TLN2: variants seen among roughly 807,000 people sequenced by gnomAD.
TLN2 encodes the protein talin-2.
Under a neutral mutation model 294.7 loss-of-function variants are expected in TLN2, and 118 were observed. The ratio of observed to expected loss-of-function variants is 0.40; its 90% CI spans 0.34 to 0.47. The LOEUF (loss-of-function observed/expected upper bound fraction) is 0.47. Among genes scored for constraint, TLN2 ranks in the 20% least tolerant of loss-of-function variants. TLN2 has a pLI of 0.84. For synonymous variants in TLN2, 1,431 were observed against 1,304.5 expected (o/e 1.10, Z -2.09); for missense variants, 3,083 against 3,282.2 (o/e 0.94, Z 1.48).
intron 48 of TLN2, among the ~76,000 whole-genome samples, chr15:62,798,877 T>C (rs1469304668): frequency 6.6e-6 from 1 of 152,222 alleles, no homozygotes; most frequent in Non-Finnish European, 1.5e-5. Context: ...ATTGGCTGCC[T>C]TTTGGAATTC....
intron 9 of TLN2, among the ~76,000 whole-genome samples, chr15:62,673,468 A>AT (rs1567317550): frequency 6.6e-6 from 1 of 151,106 alleles, no homozygotes; most frequent in Non-Finnish European, 1.5e-5. Context: ...TCTTTGTATT[A>AT]TTTTTTAAAA....
intron 1 of TLN2, among the ~76,000 whole-genome samples, chr15:62,396,028 T>G (rs1387816681): frequency 2.0e-5 from 3 of 150,046 alleles, no homozygotes; most frequent in African/African-American, 7.4e-5. Context: ...TAGAGACAGA[T>G]TTCACCATGT....
intron 12 of TLN2, among the ~76,000 whole-genome samples, chr15:62,687,465 G>A (rs917805996): frequency 1.3e-5 from 2 of 152,208 alleles, no homozygotes; most frequent in Admixed American, 6.5e-5. Flanking sequence ...TTTGTTTCAG[G>A]TCTTCAGACC....
intron 3 of TLN2, among the ~76,000 whole-genome samples, chr15:62,625,694 G>T (rs2049221234): frequency 2.0e-5 from 3 of 152,212 alleles, no homozygotes; most frequent in Admixed American, 6.5e-5. Flanking sequence ...CCGATGGGCA[G>T]AGTGGAATTT....
chr15:62,640,417 C>T (rs1244235746), intron 3 of TLN2: 2 of 452,018 alleles, frequency 4.4e-6, no homozygotes, highest in African/African-American at 4.0e-5. Flanking sequence ...TGTAGACCTC[C>T]ACGGCCCCAT....
chr15:62,838,816 T>G, intron 57 of TLN2, 40 bp from the exon 58 acceptor site: 1 of 1,604,688 alleles, frequency 6.2e-7, no homozygotes, highest in Non-Finnish European at 8.5e-7. Context: ...CCCAAATGGC[T>G]GTTTCTAATG....
intron 1 of TLN2, among the ~76,000 whole-genome samples, chr15:62,578,342 A>G (rs1004447668): frequency 2.0e-5 from 3 of 152,132 alleles, no homozygotes; most frequent in Non-Finnish European, 2.9e-5. Context: ...TGAGGTGGGC[A>G]CATCACCTGA....
chr15:62,785,968 C>G (rs1036181757), intron 45 of TLN2, among the ~76,000 whole-genome samples: 8 of 152,238 alleles, frequency 5.3e-5, no homozygotes, highest in Non-Finnish European at 1.2e-4. Context: ...GCATTTGCAG[C>G]AGCTGACGTT....
At chr15:62,640,514 C>CT (rs2050930730) in intron 3 of TLN2, among the ~76,000 whole-genome samples, 1 of 152,120 alleles carries the variant, frequency 6.6e-6, no homozygotes, top group Non-Finnish European at 1.5e-5. Context: ...CCCATTGTGC[C>CT]CCCCTAAGTT....
intron 1 of TLN2, among the ~76,000 whole-genome samples, chr15:62,471,850 G>C (rs1275110685): frequency 6.6e-6 from 1 of 151,850 alleles, no homozygotes; most frequent in African/African-American, 2.4e-5. Context: ...GCACAGCCCA[G>C]CCTCCCTCAT....
rs1170066405 is a variant in TLN2 at position 62,820,539 on chromosome 15, C to T, written c.6931C>T (p.Leu2311=). 1.2e-6 allele frequency: 2 copies of T among 1,613,886 alleles called. No homozygotes were observed. Among genetic ancestry groups the T allele is most frequent in the Non-Finnish European group, 1.7e-6 (2 of 1,179,968 alleles). Residue 2311 remains leucine, a synonymous_variant, in exon 54 of 59, where the codon CTG becomes TTG. Transcript: ENST00000636159. ...DPTVIAETEL[L]GAAASIEAAA... is the part of the protein sequence containing the mutation. ...AACTGTCATTGCAGAAACAGAGTTA[C>T]TGGGGGCTGCAGCATCCATCGAAGC...
intron 51 of TLN2, among the ~76,000 whole-genome samples, chr15:62,806,443 C>T (rs768471462): frequency 1.1e-4 from 16 of 152,282 alleles, no homozygotes; most frequent in Non-Finnish European, 2.2e-4. Context: ...TTTGCTCTTC[C>T]GCTGGACCCT....
At chr15:62,644,917 T>G (rs1045193829) in intron 3 of TLN2, 25 of 265,074 alleles carry the variant, frequency 9.4e-5, no homozygotes, top group South Asian at 3.1e-4. Context: ...GCAGCAACGC[T>G]TACAACACTT....
chr15:62,785,123 A>C (rs1013328211), intron 45 of TLN2, among the ~76,000 whole-genome samples: 1 of 152,258 alleles, frequency 6.6e-6, no homozygotes. Flanking sequence ...AGAATAATTG[A>C]CTAGGCTGTA....
intron 1 of TLN2, among the ~76,000 whole-genome samples, chr15:62,405,789 G>C (rs963786708): frequency 2.0e-5 from 3 of 152,206 alleles, no homozygotes; most frequent in Non-Finnish European, 4.4e-5. Context: ...TGGCTGCGCA[G>C]GGATGGATTT....
At chr15:62,791,925 C>G (rs1316492227) in intron 45 of TLN2, among the ~76,000 whole-genome samples, 1 of 152,234 alleles carries the variant, frequency 6.6e-6, no homozygotes, top group Middle Eastern at 3.2e-3. Context: ...GCGGAGCCCA[C>G]TTGGCCTCTC....
chr15:62,825,765 A>ATATAATATATAT (rs2068016124), intron 54 of TLN2, among the ~76,000 whole-genome samples: 1 of 62,920 alleles, frequency 1.6e-5, no homozygotes, highest in Non-Finnish European at 2.5e-5. Flanking sequence ...AATTATAATT[A>ATATAATATATAT]TATATTATAT....
chr15:62,639,718 G>C (rs67670969), intron 3 of TLN2, among the ~76,000 whole-genome samples: 40,699 of 152,058 alleles, frequency 0.27, 6,236 homozygotes, highest in East Asian at 0.68. Context: ...CTCAAGTGTA[G>C]ATACCGAGAC....
rs117159298 is a variant in TLN2, at chr15:62,590,327, A to G, written c.-162+565A>G. Among the ~76,000 whole-genome samples, 907 of 152,208 alleles carry G rather than the reference A, an allele frequency of 6.0e-3. 7 individuals are homozygous for G. Among genetic ancestry groups the G allele is most frequent in the Non-Finnish European group, 8.1e-3 (551 of 68,000 alleles). On this transcript the variant is annotated intron_variant, in intron 2 of 58. Coordinates refer to ENST00000636159, the MANE Select transcript of TLN2 (RefSeq NM_015059.3). ...CTCTTCCCAACCTCCATGCCCCAGT[A>G]GGCCCCAGTGTGTGTTGTTCTCCTC...
Sources: gnomAD v4.1 joint callset for allele counts (sites outside exome capture counted in the v4.1 genomes callset) on GRCh38, gnomAD v4.1.1 for gene constraint, MANE v1.5 for transcripts, NCBI Gene and HGNC (gene_info 2026-07-23, HGNC 2026-07-21) for gene names.